The following WBP1L variants were observed in gnomAD, a reference collection of about 807,000 sequenced individuals.
The protein encoded by WBP1L is WW domain binding protein 1-like.
WBP1L carries 17 observed loss-of-function variants against 33.7 expected under a neutral mutation model. The ratio of observed to expected loss-of-function variants is 0.50; its 90% CI spans 0.34 to 0.76. WBP1L has a LOEUF of 0.76. WBP1L is among the 30% of genes least tolerant of loss of function. The probability of loss-of-function intolerance (pLI) is 0.01; values close to 1 mark genes in which losing one functional copy is unlikely to be tolerated. For missense variants in WBP1L, 389 were observed against 469.4 expected (o/e 0.83, Z 1.58); for synonymous variants, 173 against 190.8 (o/e 0.91, Z 0.77).
chr10:102,805,410 GT>G (rs1475771759), intron 2 of WBP1L, among the ~76,000 whole-genome samples: 1 of 151,882 alleles, frequency 6.6e-6, no homozygotes, highest in African/African-American at 2.4e-5. Flanking sequence ...TGGTGGCCAG[GT>G]AAAAAACTAG....
chr10:102,787,933 G>A lies in WBP1L; in HGVS notation c.91-10060G>A, dbSNP rs145696555. ...TCTCTATTAATAATACAAAAAATTAGCTGGGCGTGGTGGTGCACGCCTGAT... is the reference window on the plus strand; with the variant it reads ...TCTCTATTAATAATACAAAAAATTAACTGGGCGTGGTGGTGCACGCCTGAT... On this transcript the variant is annotated intron_variant, in intron 1 of 3. Transcript: ENST00000448841. Among the ~76,000 whole-genome samples the A allele has an allele frequency of 3.3e-3, 494 of 151,510 alleles. 1 individual carries two copies. The highest frequency in any genetic ancestry group is 5.9e-3 in the Non-Finnish European group (401 of 67,862).
intron 1 of WBP1L, among the ~76,000 whole-genome samples, chr10:102,772,197 A>G (rs1843196235): frequency 6.8e-6 from 1 of 147,356 alleles, no homozygotes. Context: ...CGACTTCGTG[A>G]TCCACCCGCC....
At chr10:102,800,544 A>G (rs1843641766) in intron 2 of WBP1L, among the ~76,000 whole-genome samples, 1 of 152,202 alleles carries the variant, frequency 6.6e-6, no homozygotes, top group African/African-American at 2.4e-5. Context: ...GGCGTTTAGG[A>G]AAGGAGGCCC....
At chr10:102,784,421 C>CT (rs35898015) in intron 1 of WBP1L, among the ~76,000 whole-genome samples, 3,639 of 97,822 alleles carry the variant, frequency 0.037, 176 homozygotes, top group South Asian at 0.11. Context: ...GTTCTTGTTT[C>CT]TTTTTTTTTT....
intron 1 of WBP1L, among the ~76,000 whole-genome samples, chr10:102,775,626 C>T (rs772845315): frequency 2.8e-4 from 43 of 151,978 alleles, no homozygotes; most frequent in Non-Finnish European, 5.9e-4. Context: ...AGCGAGGGCT[C>T]GAAAGGTCAG....
intron 1 of WBP1L, chr10:102,776,376 C>T (rs780496370): frequency 3.7e-5 from 59 of 1,613,974 alleles, no homozygotes; most frequent in South Asian, 8.8e-5. Flanking sequence ...TTAGTGTGGA[C>T]GATGCTCTTG....
chr10:102,809,759 A>T, intron 2 of WBP1L, 134 bp from the exon 3 acceptor site: 3 of 971,206 alleles, frequency 3.1e-6, no homozygotes, highest in Non-Finnish European at 4.6e-6. Context: ...CTTCAATGTA[A>T]ATTAACTGGG....
At position 102,810,013 on chromosome 10, in the gene WBP1L, A is replaced by G; in HGVS notation, c.314A>G (p.Tyr105Cys). The G allele has an allele frequency of 6.2e-7, 1 of 1,613,850 alleles. No individual in the cohort carries two copies. Among genetic ancestry groups the G allele is most frequent in the Non-Finnish European group, 8.5e-7 (1 of 1,179,978 alleles). ...CAACATGAAATCAACCTGATCGCTTACCGAGAAGCCCACAATTACTCAGCG... is the reference window on the plus strand; with the variant it reads ...CAACATGAAATCAACCTGATCGCTTGCCGAGAAGCCCACAATTACTCAGCG... ...QRQHEINLIAYREAHNYSALP... is the reference protein window; with the variant it reads ...QRQHEINLIACREAHNYSALP... Residue 105 changes from tyrosine (Y) to cysteine (C), a missense_variant, in exon 3 of 4, where the codon TAC becomes TGC. Tyr to Cys is a radical substitution (Grantham distance 194). Coordinates refer to ENST00000448841, the MANE Select transcript of WBP1L (RefSeq NM_001083913.2).
intron 1 of WBP1L, among the ~76,000 whole-genome samples, chr10:102,789,359 C>T (rs187748109): frequency 1.3e-5 from 2 of 152,306 alleles, no homozygotes; most frequent in African/African-American, 4.8e-5. Context: ...GATCACTGTA[C>T]TCAGCTACAC....
In WBP1L at chr10:102,812,610, A is replaced by G; in HGVS notation, c.371A>G (p.Tyr124Cys). Residue 124 changes from tyrosine to cysteine, a missense_variant, in exon 4 of 4, where the codon TAT becomes TGT. By Grantham distance (194) the Tyr-to-Cys change is radical. Transcript: ENST00000448841. ...LPFYFRFLPNYLLPPYEEVVN... is the reference protein window; with the variant it reads ...LPFYFRFLPNCLLPPYEEVVN... Reference sequence around the variant, plus strand: ...CCCATTTTAGGGTTTTTGCCAAACTATTTACTACCTCCTTATGAGGAAGTG... The same window carrying G: ...CCCATTTTAGGGTTTTTGCCAAACTGTTTACTACCTCCTTATGAGGAAGTG... 6.3e-7 allele frequency: 1 copy of G among 1,587,134 alleles called. No homozygotes were observed.
rs201591380 is a variant in WBP1L, at chr10:102,812,996, G to T, written c.757G>T (p.Ala253Ser). The T allele has an allele frequency of 5.6e-6, 9 of 1,613,410 alleles. No individual in the cohort carries two copies. In the Admixed American group the frequency reaches 1.2e-4, roughly 21 times the overall value. Reference sequence around the variant, plus strand: ...GAAAGATGACAGCTCTGAACACGGCGCACCCGACAGCAAAGAGAAGACGCC... The same window carrying T: ...GAAAGATGACAGCTCTGAACACGGCTCACCCGACAGCAAAGAGAAGACGCC... ...LLKDDSSEHGAPDSKEKTPGR... is the reference protein window; with the variant it reads ...LLKDDSSEHGSPDSKEKTPGR... The change falls in exon 4 of 4, where the codon GCA (alanine) becomes TCA (serine). Residue 253 changes from alanine (A) to serine (S), a missense_variant. By Grantham distance (99) the Ala-to-Ser change is moderately conservative. Transcript: ENST00000448841.
Position 102,813,405 on chromosome 10 carries a change from T to G in WBP1L, c.*74T>G. The G allele has an allele frequency of 3.3e-6, 5 of 1,506,578 alleles. No homozygotes were observed. Among genetic ancestry groups the G allele is most frequent in the Non-Finnish European group, 4.4e-6 (5 of 1,131,648 alleles). The allele number at this position is 1,506,578 out of a possible 1,614,324, so 93.3% of individuals were successfully genotyped here. ...GGAGAACCACGAGAGAAGCATTAAG[T>G]GACTTTCAAAGACTTTCAGAGTACA... On this transcript the variant is annotated 3_prime_UTR_variant, in exon 4 of 4. Transcript: ENST00000448841.
At chr10:102,789,811 C>T (rs1474469789) in intron 1 of WBP1L, among the ~76,000 whole-genome samples, 4 of 148,968 alleles carry the variant, frequency 2.7e-5, no homozygotes, top group Admixed American at 6.8e-5. Context: ...GGCATGATCT[C>T]GGCTCACTGC....
At chr10:102,806,001 G>C (rs920803027) in intron 2 of WBP1L, among the ~76,000 whole-genome samples, 2 of 150,824 alleles carry the variant, frequency 1.3e-5, no homozygotes, top group Non-Finnish European at 3.0e-5. Flanking sequence ...AGGATTTTGA[G>C]ACCAGCCTGG....
intron 1 of WBP1L, among the ~76,000 whole-genome samples, chr10:102,795,271 CA>C (rs1843558044): frequency 6.6e-6 from 1 of 152,290 alleles, no homozygotes; most frequent in Non-Finnish European, 1.5e-5. Flanking sequence ...CTATGCTGTT[CA>C]GTAGATTAAC....
Position 102,812,685 on chromosome 10 carries a change from A to T in WBP1L, c.446A>T (p.Gln149Leu). Residue 149 changes from glutamine to leucine, a missense_variant, in exon 4 of 4, where the codon CAG (glutamine) becomes CTG (leucine). By Grantham distance (113) the Gln-to-Leu change is moderately radical. Coordinates refer to ENST00000448841, the MANE Select transcript of WBP1L (RefSeq NM_001083913.2). ...PPPPYSAFQLQQQQLLPPQCG... is the reference protein window; with the variant it reads ...PPPPYSAFQLLQQQLLPPQCG... ...CCACCATACAGTGCCTTCCAGCTACAGCAGCAGCAGCTGCTGCCTCCACAG... is the reference window on the plus strand; with the variant it reads ...CCACCATACAGTGCCTTCCAGCTACTGCAGCAGCAGCTGCTGCCTCCACAG... 6.2e-7 allele frequency: 1 copy of T among 1,613,212 alleles called. No individual in the cohort carries two copies. The highest frequency in any genetic ancestry group is 8.5e-7 in the Non-Finnish European group (1 of 1,179,518).
intron 1 of WBP1L, among the ~76,000 whole-genome samples, chr10:102,779,328 G>A (rs1014125717): frequency 2.0e-5 from 3 of 150,790 alleles, no homozygotes; most frequent in Non-Finnish European, 4.4e-5. Context: ...GTTGAGTCTC[G>A]TTCTTGTCAC....
chr10:102,781,987 C>T (rs1182253419), intron 1 of WBP1L, among the ~76,000 whole-genome samples: 2 of 152,064 alleles, frequency 1.3e-5, no homozygotes, highest in Non-Finnish European at 2.9e-5. Context: ...AATTCTCGTG[C>T]CTCAGCCTCC....
intron 1 of WBP1L, among the ~76,000 whole-genome samples, chr10:102,796,203 G>A (rs149810449): frequency 4.6e-5 from 7 of 152,234 alleles, no homozygotes; most frequent in Middle Eastern, 3.4e-3. Flanking sequence ...GTGGGGCGGC[G>A]GGGGAAGGAG....
Sources: allele counts gnomAD v4.1 joint callset (sites outside exome capture counted in the v4.1 genomes callset), GRCh38; gene constraint gnomAD v4.1.1; transcripts MANE v1.5; gene names NCBI Gene and HGNC (gene_info 2026-07-23, HGNC 2026-07-21).